The following C6orf141 variants were observed in gnomAD, a reference collection of about 807,000 sequenced individuals.
C6orf141 encodes uncharacterized protein C6orf141.
For synonymous variants in C6orf141, 164 were observed against 140.5 expected, an observed-to-expected ratio of 1.17 and a Z score of -1.18; for missense variants, 361 against 335.8, an observed-to-expected ratio of 1.07 and a Z score of -0.59.
chr6:49,551,209 A>G lies in C6orf141; in HGVS notation c.417A>G (p.Arg139=), dbSNP rs1770425851. 1 of 1,551,464 alleles carries G rather than the reference A, an allele frequency of 6.4e-7. No homozygotes were observed. The highest frequency in any genetic ancestry group is 8.7e-7 in the Non-Finnish European group (1 of 1,146,898). Residue 139 remains arginine, a synonymous_variant, in exon 1 of 1, where the codon CGA becomes CGG. Transcript: ENST00000529246. The part of the protein sequence containing the change: ...NYPSVFQRQK[R]ISGRRVAPPR... ...CTTCTGTCTTTCAACGACAAAAGCG[A>G]ATTTCTGGCAGGCGTGTAGCCCCGC...
Position 49,551,955 on chromosome 6 carries a change from T to C in C6orf141, c.*428T>C. Reference sequence around the variant, plus strand: ...GGGAGTGGGTGGAGAAGAGGCTTGTTTTAAAAGCCAAAAACAGAAAGTAAA... The same window carrying C: ...GGGAGTGGGTGGAGAAGAGGCTTGTCTTAAAAGCCAAAAACAGAAAGTAAA... On this transcript the variant is annotated 3_prime_UTR_variant, in exon 1 of 1. Transcript: ENST00000529246. 9.9e-7 allele frequency: 1 copy of C among 1,011,514 alleles called. No homozygotes were observed. Among genetic ancestry groups the C allele is most frequent in the Non-Finnish European group, 1.2e-6 (1 of 837,950 alleles). 62.7% of individuals were successfully genotyped at this position (1,011,514 alleles called of 1,614,324 possible).
At chr6:49,555,852 T>C (rs1430255086), downstream of C6orf141, among the ~76,000 whole-genome samples, 1 of 152,192 alleles carries the variant, frequency 6.6e-6, no homozygotes, top group East Asian at 1.9e-4. Context: ...GCAATCCTCC[T>C]GCCTTGGCCT....
At chr6:49,558,863 A>G (rs914273242) in intron 4 of C6orf141, among the ~76,000 whole-genome samples, 3 of 151,740 alleles carry the variant, frequency 2.0e-5, no homozygotes, top group African/African-American at 7.3e-5. Flanking sequence ...GCCCGCCACC[A>G]TGCCTGGCTA....
downstream of C6orf141, among the ~76,000 whole-genome samples, chr6:49,557,006 C>A (rs1473310600): frequency 1.3e-5 from 2 of 152,190 alleles, no homozygotes; most frequent in Non-Finnish European, 2.9e-5. Flanking sequence ...GTAATCCCAG[C>A]ACTTTGGGAG....
At chr6:49,552,806 C>T (rs945991241), downstream of C6orf141, among the ~76,000 whole-genome samples, 1 of 152,338 alleles carries the variant, frequency 6.6e-6, no homozygotes, top group Non-Finnish European at 1.5e-5. Context: ...CATATGCTTA[C>T]TAAGTGGATG....
chr6:49,560,131 T>C (rs764455425), intron 4 of C6orf141, among the ~76,000 whole-genome samples: 1 of 152,108 alleles, frequency 6.6e-6, no homozygotes, highest in East Asian at 1.9e-4. Context: ...CTGACTAACA[T>C]GGTGAAACCC....
At chr6:49,558,959 G>A (rs992141795) in intron 4 of C6orf141, among the ~76,000 whole-genome samples, 13 of 151,346 alleles carry the variant, frequency 8.6e-5, no homozygotes, top group Non-Finnish European at 1.6e-4. Flanking sequence ...CACCTGCCTC[G>A]GCCTCCCAAA....
At chr6:49,556,627 T>G (rs1581905843), downstream of C6orf141, among the ~76,000 whole-genome samples, 1 of 152,138 alleles carries the variant, frequency 6.6e-6, no homozygotes, top group Non-Finnish European at 1.5e-5. Context: ...AGTCAGAACT[T>G]GTCAGCCACT....
intron 4 of C6orf141, among the ~76,000 whole-genome samples, chr6:49,560,270 G>A (rs748624499): frequency 1.8e-4 from 28 of 151,922 alleles, no homozygotes; most frequent in Non-Finnish European, 3.8e-4. Context: ...AGCCGAGATC[G>A]CGCCACCGCA....
At chr6:49,553,498 T>C (rs1771112929), downstream of C6orf141, among the ~76,000 whole-genome samples, 1 of 152,232 alleles carries the variant, frequency 6.6e-6, no homozygotes, top group South Asian at 2.1e-4. Context: ...GGCATGTAAG[T>C]TTCAGACCTG....
In C6orf141 at chr6:49,551,534, G is replaced by A. The variant is rs1458658951; in HGVS notation, c.*7G>A. ...CGAGGAAATTAAACTCTAATGAGTAGCTCGAGAAATGTTCCGGGATGGTGG... is the reference window on the plus strand; with the variant it reads ...CGAGGAAATTAAACTCTAATGAGTAACTCGAGAAATGTTCCGGGATGGTGG... On this transcript the variant is annotated 3_prime_UTR_variant, in exon 1 of 1. Transcript: ENST00000529246. 1.3e-6 allele frequency: 2 copies of A among 1,548,864 alleles called. No homozygotes were observed. Among genetic ancestry groups the A allele is most frequent in the Non-Finnish European group, 1.7e-6 (2 of 1,146,638 alleles).
intron 4 of C6orf141, among the ~76,000 whole-genome samples, chr6:49,558,515 C>T (rs1194355910): frequency 6.6e-6 from 1 of 151,826 alleles, no homozygotes; most frequent in Admixed American, 6.6e-5. Context: ...CAGGTTGTGA[C>T]TTCCTTCTCA....
downstream of C6orf141, among the ~76,000 whole-genome samples, chr6:49,553,985 G>C (rs531148915): frequency 2.9e-4 from 44 of 152,056 alleles, no homozygotes; most frequent in Non-Finnish European, 5.3e-4. Context: ...AAGTCAAGCC[G>C]GTGGTTTTTA....
chr6:49,557,017 G>T (rs1437365549), downstream of C6orf141, among the ~76,000 whole-genome samples: 1 of 152,172 alleles, frequency 6.6e-6, no homozygotes, highest in East Asian at 1.9e-4. Context: ...ACTTTGGGAG[G>T]CCAAAGCAGG....
At chr6:49,558,491 G>C (rs895607878) in intron 4 of C6orf141, among the ~76,000 whole-genome samples, 11 of 151,690 alleles carry the variant, frequency 7.3e-5, no homozygotes, top group Admixed American at 5.9e-4. Flanking sequence ...TCCAGAGGCT[G>C]TGTTTTGACT....
Position 49,551,717 on chromosome 6 carries a change from C to A in C6orf141, c.*190C>A. The A allele has an allele frequency of 2.1e-6, 3 of 1,431,458 alleles. No individual in the cohort carries two copies. The highest frequency in any genetic ancestry group is 2.7e-6 in the Non-Finnish European group (3 of 1,092,270). 88.7% of individuals were successfully genotyped at this position (1,431,458 alleles called of 1,614,324 possible). ...CTCCTTTGTGGCTTGAATTCCTTCG[C>A]TGTCTGGGGACCTAAGTCATTCAGA... On this transcript the variant is annotated 3_prime_UTR_variant, in exon 1 of 1. Coordinates refer to ENST00000529246, the MANE Select transcript of C6orf141 (RefSeq NM_001145652.2).
At chr6:49,558,397 T>G (rs1581909330) in intron 4 of C6orf141, among the ~76,000 whole-genome samples, 2 of 60,976 alleles carry the variant, frequency 3.3e-5, no homozygotes, top group African/African-American at 4.8e-5. Context: ...AGGTAGGCCC[T>G]GAGTTGGAAA....
In C6orf141 at chr6:49,551,222, C is replaced by A. The variant is rs1339261800; in HGVS notation, c.430C>A (p.Arg144Ser). Residue 144 changes from arginine to serine, a missense_variant, in exon 1 of 1, where the codon CGT becomes AGT. Physicochemically the swap from Arg to Ser is moderately radical, Grantham distance 110 (BLOSUM62 -1). Coordinates refer to ENST00000529246, the MANE Select transcript of C6orf141 (RefSeq NM_001145652.2). ...FQRQKRISGRRVAPPRDAADP... is the reference protein window; with the variant it reads ...FQRQKRISGRSVAPPRDAADP... ...ACGACAAAAGCGAATTTCTGGCAGG[C>A]GTGTAGCCCCGCCGCGGGACGCAGC... 2.6e-6 allele frequency: 4 copies of A among 1,551,536 alleles called. No homozygotes were observed. In the Admixed American group the frequency reaches 5.9e-5, roughly 23 times the overall value.
At chr6:49,553,840 A>G (rs1275793324), downstream of C6orf141, among the ~76,000 whole-genome samples, 2 of 152,146 alleles carry the variant, frequency 1.3e-5, no homozygotes, top group East Asian at 3.9e-4. Flanking sequence ...CCTGTCATAC[A>G]ATAAATCCTC....
Sources: gnomAD v4.1 joint callset for allele counts (sites outside exome capture counted in the v4.1 genomes callset) on GRCh38, gnomAD v4.1.1 for gene constraint, MANE v1.5 for transcripts, NCBI Gene and HGNC (gene_info 2026-07-23, HGNC 2026-07-21) for gene names.